Variants in SLC26A6 observed in about 807,000 individuals in gnomAD.
SLC26A6 encodes the protein solute carrier family 26 member 6.
In SLC26A6, 67 loss-of-function variants were observed where a neutral mutation model predicts 87.1. That is an observed-to-expected ratio of 0.77 (90% CI 0.63 to 0.94). SLC26A6 has a LOEUF of 0.94. SLC26A6 is among the 40% of genes least tolerant of loss of function. The pLI is 0.00. For missense variants in SLC26A6, 902 were observed against 973.0 expected, an observed-to-expected ratio of 0.93 and a Z score of 0.97; for synonymous variants, 414 against 405.9, an observed-to-expected ratio of 1.02 and a Z score of -0.24.
chr3:48,629,566 G>A, intron 14 of SLC26A6, 76 bp downstream of exon 14: 1 of 1,478,790 alleles, frequency 6.8e-7, no homozygotes. Context: ...CTGGCCAAGT[G>A]TGGAACGAAT....
Position 48,628,472 on chromosome 3 carries a change from G to A in SLC26A6, c.1762C>T (p.Leu588=), listed in dbSNP as rs1042449637. The A allele has an allele frequency of 9.9e-6, 16 of 1,614,028 alleles. No homozygotes were observed. The African/African-American group carries it at 2.1e-4, about 22-fold the overall frequency. ...KLLKKQEQLK[L]KQLQKEEKLR... ...TTCTCCTCTTTCTGCAGTTGCTTCA[G>A]CTTCAGCTGCTCCTGCTTCTTGAGC... Residue 588 remains leucine (L), a synonymous_variant, in exon 16 of 21, where the codon CTG becomes TTG. Transcript: ENST00000395550. The surrounding 1 kb of genome is among the most constrained non-coding windows in gnomAD (Gnocchi z 4.4).
rs1034088048 is a variant in SLC26A6, at chr3:48,627,028, C to T, written c.1921G>A (p.Asp641Asn). The change falls in exon 18 of 21, where the codon GAT becomes AAT. Residue 641 changes from aspartate to asparagine, a missense_variant. By Grantham distance (23) the Asp-to-Asn change is conservative. Around this residue, in one of 3 missense-constraint regions of SLC26A6, gnomAD observed 800 missense variants for 856.8 expected, o/e 0.93. Transcript: ENST00000395550. Reference protein sequence around the residue: ...MQVSSGDKMEDATANGQEDSK... With the variant: ...MQVSSGDKMENATANGQEDSK... ...TCTTCTTGACCATTGGCTGTTGCATCTTCCATCTTATCTCCTGAGCTCACC... is the reference window on the plus strand; with the variant it reads ...TCTTCTTGACCATTGGCTGTTGCATTTTCCATCTTATCTCCTGAGCTCACC... 3 of 1,614,092 alleles carry T rather than the reference C, an allele frequency of 1.9e-6. No homozygotes were observed. The highest frequency in any genetic ancestry group is 2.5e-6 in the Non-Finnish European group (3 of 1,179,968).
intron 7 of SLC26A6, 98 bp from the exon 8 acceptor site, chr3:48,631,404 CCTT>C (rs904975354): frequency 7.4e-7 from 1 of 1,357,394 alleles, no homozygotes; most frequent in African/African-American, 1.5e-5. Context: ...CTGGGCAAAA[CCTT>C]CTTCGAGGGT....
At position 48,627,061 on chromosome 3, in the gene SLC26A6, G is replaced by A. The variant is rs1196785542; in HGVS notation, c.1894-6C>T. The A allele has an allele frequency of 1.2e-6, 2 of 1,610,580 alleles. No individual in the cohort carries two copies. The highest frequency in any genetic ancestry group is 1.7e-5 in the Admixed American group (1 of 59,310). On this transcript the variant is annotated splice_polypyrimidine_tract_variant and splice_region_variant and intron_variant, in intron 17 of 20. Transcript: ENST00000395550. ...TTATCTCCTGAGCTCACCTGCTGGG[G>A]AGCCAGACATGCTGCCAGGGCCACC...
intron 17 of SLC26A6, chr3:48,627,331 A>G: frequency 2.3e-6 from 1 of 442,608 alleles, no homozygotes; most frequent in Non-Finnish European, 4.0e-6. Context: ...TCCCATTCTC[A>G]TCAGCCAGGG....
At position 48,628,748 on chromosome 3, in the gene SLC26A6, C is replaced by A; in HGVS notation, c.1600-34G>T. On this transcript the variant is annotated intron_variant, in intron 14 of 20. Coordinates refer to ENST00000395550, the MANE Select transcript of SLC26A6 (RefSeq NM_022911.3). This position sits in a 1 kb window ranked among gnomAD's most constrained non-coding sequence, Gnocchi z 4.4. ...GAGGCAGAACTGGTGGTGGCTGAATCTCCTCTCTCCTGGCTGCATCCTGTT... is the reference window on the plus strand; with the variant it reads ...GAGGCAGAACTGGTGGTGGCTGAATATCCTCTCTCCTGGCTGCATCCTGTT... 6.2e-7 allele frequency: 1 copy of A among 1,602,698 alleles called. No homozygotes were observed.
At position 48,629,643 on chromosome 3, in the gene SLC26A6, T is replaced by C; in HGVS notation, c.1598A>G (p.Glu533Gly). ...DIYRDVAEYSEAKEVRGVKVF... is the reference protein window; with the variant it reads ...DIYRDVAEYSGAKEVRGVKVF... ...TCTCACTCAGCCCCTGACACTCACC[T>C]CTGAGTACTCTGCCACATCTCTGTA... The change falls in exon 14 of 21, where the codon GAG (glutamate) becomes GGG (glycine). Residue 533 changes from glutamate to glycine, a missense_variant and splice_region_variant. Glu to Gly is a moderately conservative substitution (Grantham distance 98). Transcript: ENST00000395550. 6.2e-7 allele frequency: 1 copy of C among 1,611,586 alleles called. No homozygotes were observed. Among genetic ancestry groups the C allele is most frequent in the Non-Finnish European group, 8.5e-7 (1 of 1,178,784 alleles).
At chr3:48,629,505 T>C in intron 14 of SLC26A6, 137 bp downstream of exon 14, 1 of 904,152 alleles carries the variant, frequency 1.1e-6, no homozygotes, top group Non-Finnish European at 1.7e-6. Flanking sequence ...CCTAAACTCC[T>C]CCCTTGAAAT....
At position 48,630,020 on chromosome 3, in the gene SLC26A6, TG is replaced by T. The variant is rs758889883; in HGVS notation, c.1422+41del. ...GCGGTTGGAGGGCGGCGAGGAGCCATGGGGCTGCCCAGTCCCTGCCCTGGGC... is the reference window on the plus strand; with the variant it reads ...GCGGTTGGAGGGCGGCGAGGAGCCATGGGCTGCCCAGTCCCTGCCCTGGGC... On this transcript the variant is annotated intron_variant, in intron 12 of 20. Coordinates refer to ENST00000395550, the MANE Select transcript of SLC26A6 (RefSeq NM_022911.3). 36 of 1,613,680 alleles carry T rather than the reference TG, an allele frequency of 2.2e-5. No individual in the cohort carries two copies. In the African/African-American group the frequency reaches 4.1e-4, roughly 19 times the overall value.
intron 9 of SLC26A6, 109 bp from the exon 10 acceptor site, chr3:48,630,829 C>G (rs1283359417): frequency 2.7e-6 from 4 of 1,502,242 alleles, no homozygotes; most frequent in Non-Finnish European, 3.7e-6. Context: ...CAAGTGGCCC[C>G]CAGAGACTGG....
At chr3:48,626,458 CT>C in intron 19 of SLC26A6, 104 bp from the exon 20 acceptor site, 2 of 1,567,484 alleles carry the variant, frequency 1.3e-6, no homozygotes, top group South Asian at 1.2e-5. Flanking sequence ...ACCTCCACCC[CT>C]GAGGCTACAG....
chr3:48,628,191 G>A lies in SLC26A6; in HGVS notation c.1801-153C>T, dbSNP rs2046678878. The A allele has an allele frequency of 8.9e-6, 7 of 789,996 alleles. No individual in the cohort carries two copies. The South Asian group carries it at 1.1e-4, about 12-fold the overall frequency. 48.9% of individuals were successfully genotyped at this position (789,996 alleles called of 1,614,324 possible). A position where few individuals can be genotyped will look rare whatever the true frequency, so the allele number is the denominator to read the frequency against. ...TGCAGCAGCCAGGCTGAAGCTCCTG[G>A]AACAGCCGTGAAAGGGAAGAGGACT... On this transcript the variant is annotated intron_variant, in intron 16 of 20. Coordinates refer to ENST00000395550, the MANE Select transcript of SLC26A6 (RefSeq NM_022911.3). This position sits in a 1 kb window ranked among gnomAD's most constrained non-coding sequence, Gnocchi z 4.4.
chr3:48,629,136 C>T (rs573112912), intron 14 of SLC26A6, among the ~76,000 whole-genome samples: 1 of 152,292 alleles, frequency 6.6e-6, no homozygotes, highest in East Asian at 1.9e-4. Context: ...CCCCCTCATC[C>T]TCTCCCATGT....
chr3:48,630,194 G>C lies in SLC26A6; in HGVS notation c.1327-37C>G, dbSNP rs1006599057. The C allele has an allele frequency of 1.9e-6, 3 of 1,593,184 alleles. No individual in the cohort carries two copies. In the African/African-American group the frequency reaches 4.0e-5, roughly 21 times the overall value. On this transcript the variant is annotated intron_variant, in intron 11 of 20. Transcript: ENST00000395550. ...ACAGTGCCACCAGGGGCCATTGAGGGCACCCGATGCTGACAACCCTCCTCA... is the reference window on the plus strand; with the variant it reads ...ACAGTGCCACCAGGGGCCATTGAGGCCACCCGATGCTGACAACCCTCCTCA...
rs898294935 is a variant in SLC26A6 at position 48,628,716 on chromosome 3, T to C, written c.1600-2A>G. On this transcript the variant is annotated splice_acceptor_variant, in intron 14 of 20. Transcript: ENST00000395550. LOFTEE classifies it high-confidence loss of function. This position sits in a 1 kb window ranked among gnomAD's most constrained non-coding sequence, Gnocchi z 4.4. The stretch of plus-strand genomic sequence containing the variant: ...CTTCACCCCCCGGACTTCCTTGGCC[T>C]GGGGATGAGGCAGAACTGGTGGTGG... The C allele has an allele frequency of 6.2e-7, 1 of 1,612,864 alleles. No homozygotes were observed. Among genetic ancestry groups the C allele is most frequent in the Admixed American group, 1.7e-5 (1 of 59,928 alleles).
At chr3:48,630,834 G>C (rs2046766380) in intron 9 of SLC26A6, 114 bp from the exon 10 acceptor site, 1 of 1,498,366 alleles carries the variant, frequency 6.7e-7, no homozygotes, top group South Asian at 1.2e-5. Flanking sequence ...GGCCCCCAGA[G>C]ACTGGATGCT....
rs1200110430 is a variant in SLC26A6 at position 48,632,967 on chromosome 3, C to T, written c.433+7G>A. 6.2e-7 allele frequency: 1 copy of T among 1,611,946 alleles called. No individual in the cohort carries two copies. Among genetic ancestry groups the T allele is most frequent in the Non-Finnish European group, 8.5e-7 (1 of 1,179,218 alleles). ...CCTCCTGGAAGGCTAGGCCTGCCTC[C>T]ACTTACCCACGGAGATGTGCCGGGA... On this transcript the variant is annotated splice_region_variant and intron_variant, in intron 4 of 20. Transcript: ENST00000395550.
chr3:48,628,482 C>T lies in SLC26A6; in HGVS notation c.1752G>A (p.Glu584=). The change falls in exon 16 of 21, where the codon GAG becomes GAA. Residue 584 remains glutamate, a synonymous_variant. Transcript: ENST00000395550. This position sits in a 1 kb window ranked among gnomAD's most constrained non-coding sequence, Gnocchi z 4.4. ...TCTGCAGTTGCTTCAGCTTCAGCTG[C>T]TCCTGCTTCTTGAGCAGTTTCTTCT... is the stretch of plus-strand genomic sequence containing the variant. ...SQKKKLLKKQ[E]QLKLKQLQKE... is the part of the protein sequence containing the mutation. The T allele has an allele frequency of 5.6e-6, 9 of 1,614,128 alleles. No homozygotes were observed. Among genetic ancestry groups the T allele is most frequent in the Non-Finnish European group, 5.9e-6 (7 of 1,179,998 alleles).
chr3:48,634,618 T>C (rs1252134897), intron 1 of SLC26A6: 1 of 663,134 alleles, frequency 1.5e-6, no homozygotes, highest in East Asian at 1.4e-4. Flanking sequence ...AGAAGGATCT[T>C]ACCTGGGGGA....
Sources: allele counts gnomAD v4.1 joint callset (sites outside exome capture counted in the v4.1 genomes callset), GRCh38; gene constraint gnomAD v4.1.1; regional missense constraint gnomAD v4.1.1; non-coding constraint Gnocchi (gnomAD v3.1); transcripts MANE v1.5; gene names NCBI Gene and HGNC (gene_info 2026-07-23, HGNC 2026-07-21).